The following ASB4 variants were observed in gnomAD, a reference collection of about 807,000 sequenced individuals.
The protein encoded by ASB4 is ankyrin repeat and SOCS box protein 4.
In ASB4, 35 loss-of-function variants were observed where a neutral mutation model predicts 38.6. The observed-to-expected ratio is 0.91, with a 90% CI of 0.69 to 1.20. The LOEUF is 1.20. Ranked by LOEUF, ASB4 falls within the 50% of genes most tolerant of loss-of-function variation. ASB4 has a pLI of 0.00. For missense variants in ASB4, 557 were observed against 527.2 expected (o/e 1.06, Z -0.55); for synonymous variants, 195 against 201.3 (o/e 0.97, Z 0.26).
chr7:95,497,363 T>A (rs1790266044), intron 2 of ASB4, among the ~76,000 whole-genome samples: 1 of 152,018 alleles, frequency 6.6e-6, no homozygotes, highest in Non-Finnish European at 1.5e-5. Flanking sequence ...GCAATACATT[T>A]TGGAAGTAGA....
At chr7:95,527,692 G>T in intron 2 of ASB4, 121 bp from the exon 3 acceptor site, 5 of 994,446 alleles carry the variant, frequency 5.0e-6, no homozygotes, top group South Asian at 1.7e-5. Context: ...TTGAGGGTTG[G>T]GGATAATATA....
upstream of ASB4, among the ~76,000 whole-genome samples, chr7:95,475,283 A>C (rs1789966855): frequency 6.6e-6 from 1 of 152,214 alleles, no homozygotes; most frequent in Non-Finnish European, 1.5e-5. Context: ...CTTTCCTTAC[A>C]TAGTCCCTCC....
At chr7:95,477,979 A>C (rs1453506615), upstream of ASB4, among the ~76,000 whole-genome samples, 1 of 152,018 alleles carries the variant, frequency 6.6e-6, no homozygotes, top group East Asian at 1.9e-4. Context: ...TTGCTCCTTC[A>C]TGAATTAGAT....
At position 95,539,668 on chromosome 7, in the gene ASB4, T is replaced by C. The variant is rs1266382310; in HGVS notation, c.*1909T>C. 1 of 152,708 alleles carries C rather than the reference T, an allele frequency of 6.5e-6. No homozygotes were observed. Among genetic ancestry groups the C allele is most frequent in the African/African-American group, 2.4e-5 (1 of 41,442 alleles). The allele number at this position is 152,708 out of a possible 1,614,324, so 9.5% of individuals were successfully genotyped here. ...AATACCATATGTTCTCACTTATAAG[T>C]GGGAGCTAAGCAATGAGGATGCAAA... On this transcript the variant is annotated 3_prime_UTR_variant, in exon 5 of 5. Transcript: ENST00000325885.
chr7:95,481,368 AAAC>A (rs1310009078), upstream of ASB4, among the ~76,000 whole-genome samples: 7 of 152,196 alleles, frequency 4.6e-5, no homozygotes, highest in African/African-American at 1.2e-4. Flanking sequence ...AAGGAAAAAA[AAAC>A]AACAAGATGA....
chr7:95,525,768 C>T (rs1312065061), intron 2 of ASB4, among the ~76,000 whole-genome samples: 1 of 152,156 alleles, frequency 6.6e-6, no homozygotes, highest in African/African-American at 2.4e-5. Flanking sequence ...AGACCTGACC[C>T]AGAACTTCTC....
At chr7:95,534,840 GCTT>G (rs1790866525) in intron 3 of ASB4, among the ~76,000 whole-genome samples, 1 of 152,118 alleles carries the variant, frequency 6.6e-6, no homozygotes, top group Non-Finnish European at 1.5e-5. Context: ...CTCAATAAAG[GCTT>G]CTTAATGGAA....
chr7:95,486,915 T>G (rs1254342796), intron 1 of ASB4, among the ~76,000 whole-genome samples: 12 of 152,210 alleles, frequency 7.9e-5, no homozygotes, highest in Non-Finnish European at 1.8e-4. Flanking sequence ...GATTCTGATT[T>G]CCCAAATCAA....
intron 2 of ASB4, among the ~76,000 whole-genome samples, chr7:95,524,168 A>G (rs529761586): frequency 1.3e-5 from 2 of 152,378 alleles, no homozygotes; most frequent in Admixed American, 6.5e-5. Context: ...CGTGAGCACC[A>G]GAGTACAAGA....
chr7:95,521,155 C>A (rs1460320249), intron 2 of ASB4, among the ~76,000 whole-genome samples: 1 of 152,026 alleles, frequency 6.6e-6, no homozygotes, highest in Middle Eastern at 3.2e-3. Flanking sequence ...AAAATTTTAT[C>A]ATTTCCTTCA....
chr7:95,515,185 C>CTTTCT (rs1562816926), intron 2 of ASB4, among the ~76,000 whole-genome samples: 3 of 120,924 alleles, frequency 2.5e-5, no homozygotes, highest in Non-Finnish European at 5.0e-5. Context: ...TTCTTTCTTT[C>CTTTCT]TTTCTTTCTT....
At chr7:95,489,600 T>C (rs1008998494) in intron 1 of ASB4, among the ~76,000 whole-genome samples, 2 of 152,232 alleles carry the variant, frequency 1.3e-5, no homozygotes, top group Non-Finnish European at 2.9e-5. Flanking sequence ...GGTTGGCATT[T>C]GAGAGACCTC....
chr7:95,497,033 G>T (rs1343041436), intron 2 of ASB4, among the ~76,000 whole-genome samples: 2 of 152,114 alleles, frequency 1.3e-5, no homozygotes, highest in East Asian at 1.9e-4. Flanking sequence ...AGTATCATGG[G>T]TGTGGGGTAG....
At chr7:95,535,626 T>C (rs774062645) in intron 3 of ASB4, among the ~76,000 whole-genome samples, 2 of 152,358 alleles carry the variant, frequency 1.3e-5, no homozygotes, top group Admixed American at 6.5e-5. Flanking sequence ...TTAATCTAAA[T>C]GTTAAAGCTA....
upstream of ASB4, among the ~76,000 whole-genome samples, chr7:95,476,420 C>G (rs1434336042): frequency 6.6e-6 from 1 of 152,108 alleles, no homozygotes; most frequent in African/African-American, 2.4e-5. Context: ...ATAGAAAGCT[C>G]ACAGCCCATG....
the ASB4 span, among the ~76,000 whole-genome samples, chr7:95,472,271 A>G: frequency 6.6e-6 from 1 of 152,216 alleles, no homozygotes; most frequent in Admixed American, 6.5e-5. Flanking sequence ...TCAATGACAC[A>G]TAGAATCTGG....
intron 2 of ASB4, among the ~76,000 whole-genome samples, chr7:95,496,378 T>G (rs1231631506): frequency 6.6e-6 from 1 of 152,142 alleles, no homozygotes; most frequent in Non-Finnish European, 1.5e-5. Context: ...GAAAGTATAT[T>G]CTAATAAGGG....
chr7:95,497,130 T>C (rs758896524), intron 2 of ASB4, among the ~76,000 whole-genome samples: 2 of 152,126 alleles, frequency 1.3e-5, no homozygotes, highest in Non-Finnish European at 2.9e-5. Flanking sequence ...GGTCAAAGTG[T>C]AGGGCTCTGA....
chr7:95,489,724 C>T (rs1321727397), intron 1 of ASB4, among the ~76,000 whole-genome samples: 3 of 152,156 alleles, frequency 2.0e-5, no homozygotes, highest in Non-Finnish European at 2.9e-5. Flanking sequence ...TAAAGAATGA[C>T]TTTCTAACTG....
Sources: allele counts gnomAD v4.1 joint callset (sites outside exome capture counted in the v4.1 genomes callset), GRCh38; gene constraint gnomAD v4.1.1; transcripts MANE v1.5; gene names NCBI Gene and HGNC (gene_info 2026-07-23, HGNC 2026-07-21).